The following KIF12 variants were observed in gnomAD, a reference collection of about 807,000 sequenced individuals.
KIF12 encodes the protein kinesin family member 12.
A neutral mutation model predicts 87.9 loss-of-function variants in KIF12; 80 were observed. The observed-to-expected ratio is 0.91, with a 90% CI of 0.76 to 1.10. KIF12 has a LOEUF of 1.10. KIF12 is among the 50% of genes least tolerant of loss of function. The probability of loss-of-function intolerance (pLI) is 0.00; values close to 1 mark genes in which losing one functional copy is unlikely to be tolerated. For synonymous variants in KIF12, 353 were observed against 348.5 expected (o/e 1.01, Z -0.14); for missense variants, 819 against 865.3 (o/e 0.95, Z 0.67).
At position 114,098,120 on chromosome 9, in the gene KIF12, G is replaced by T; in HGVS notation, c.370C>A (p.Pro124Thr). 1 of 1,547,674 alleles carries T rather than the reference G, an allele frequency of 6.5e-7. No individual in the cohort carries two copies. The highest frequency in any genetic ancestry group is 2.4e-5 in the East Asian group (1 of 40,820). Reference sequence around the variant, plus strand: ...CGCCGCCGGCGCTCGCTCACCTGGGGAGGGGGTCCAGTCAGGGTGTAGGTC... The same window carrying T: ...CGCCGCCGGCGCTCGCTCACCTGGGTAGGGGGTCCAGTCAGGGTGTAGGTC... ...GKTYTLTGPPPQGEGVPVPPS... is the reference protein window; with the variant it reads ...GKTYTLTGPPTQGEGVPVPPS... Residue 124 changes from proline (P) to threonine (T), a missense_variant, in exon 5 of 19, where the codon CCC becomes ACC. Coordinates refer to ENST00000640217, the MANE Select transcript of KIF12 (RefSeq NM_001388308.1).
At position 114,092,559 on chromosome 9, in the gene KIF12, G is replaced by C; in HGVS notation, c.1680C>G (p.Ala560=). The change falls in exon 17 of 19, where the codon GCC becomes GCG. Residue 560 remains alanine, a synonymous_variant. Coordinates refer to ENST00000640217, the MANE Select transcript of KIF12 (RefSeq NM_001388308.1). ...PWAPPCSPGS[A]KCPRERSHSD... ...AGACCCACCTCTCTCTTGGGCACTTGGCAGAGCCAGGGCTGCATGGGGGTG... is the reference window on the plus strand; with the variant it reads ...AGACCCACCTCTCTCTTGGGCACTTCGCAGAGCCAGGGCTGCATGGGGGTG... 1 of 1,611,144 alleles carries C rather than the reference G, an allele frequency of 6.2e-7. No homozygotes were observed. Among genetic ancestry groups the C allele is most frequent in the Admixed American group, 1.7e-5 (1 of 59,818 alleles).
chr9:114,097,328 C>G lies in KIF12; in HGVS notation c.619G>C (p.Glu207Gln). The change falls in exon 7 of 19, where the codon GAG becomes CAG. Residue 207 changes from glutamate (E) to glutamine (Q), a missense_variant. Glu to Gln is a conservative substitution (Grantham distance 29). Coordinates refer to ENST00000640217, the MANE Select transcript of KIF12 (RefSeq NM_001388308.1). ...GTTTGCAAAAGTTCCATCAGGGCCT[C>G]CAGACTCCCAAATTCCACCACCCGC... ...QLRVVEFGSL[E>Q]ALMELLQTGL... 1 of 1,609,962 alleles carries G rather than the reference C, an allele frequency of 6.2e-7. No individual in the cohort carries two copies. Among genetic ancestry groups the G allele is most frequent in the Non-Finnish European group, 8.5e-7 (1 of 1,179,062 alleles).
chr9:114,094,976 C>T (rs946239953), intron 11 of KIF12, 47 bp downstream of exon 11: 36 of 1,476,286 alleles, frequency 2.4e-5, no homozygotes, highest in Non-Finnish European at 3.3e-5. Context: ...GCCTGATCCC[C>T]CAGCATCTCC....
At chr9:114,095,996 T>G in intron 9 of KIF12, 55 bp downstream of exon 9, 4 of 1,551,504 alleles carry the variant, frequency 2.6e-6, no homozygotes, top group Non-Finnish European at 3.5e-6. Flanking sequence ...TGGAGAGCTG[T>G]GAGCCAGGCA....
In KIF12 at chr9:114,095,314, A is replaced by G; in HGVS notation, c.914T>C (p.Leu305Pro). The change falls in exon 10 of 19, where the codon CTG becomes CCG. Residue 305 changes from leucine to proline, a missense_variant. Transcript: ENST00000640217. Reference sequence around the variant, plus strand: ...GCTCTGCTTCCGCTGTGGGTCCAGCAGCAGGGAGATGCAGTGACCTGGGGA... The same window carrying G: ...GCTCTGCTTCCGCTGTGGGTCCAGCGGCAGGGAGATGCAGTGACCTGGGGA... Reference protein sequence around the residue: ...LLALGHCISLLLDPQRKQSHI... With the variant: ...LLALGHCISLPLDPQRKQSHI... 2 of 1,613,582 alleles carry G rather than the reference A, an allele frequency of 1.2e-6. No homozygotes were observed.
At position 114,093,893 on chromosome 9, in the gene KIF12, G is replaced by T; in HGVS notation, c.1393C>A (p.Leu465Ile). Residue 465 changes from leucine to isoleucine, a missense_variant, in exon 14 of 19, where the codon CTA (leucine) becomes ATA (isoleucine). By Grantham distance (5) the Leu-to-Ile change is conservative (BLOSUM62 2). Coordinates refer to ENST00000640217, the MANE Select transcript of KIF12 (RefSeq NM_001388308.1). ...GCTGGTGGCTCTGCTTACCTCTCTA[G>T]TGCATGGACCTGCTGGGCCAGGATG... ...QRILAQQVHA[L>I]ERRLLSACYH... The T allele has an allele frequency of 6.2e-7, 1 of 1,613,852 alleles. No individual in the cohort carries two copies. The highest frequency in any genetic ancestry group is 8.5e-7 in the Non-Finnish European group (1 of 1,179,786).
Position 114,094,216 on chromosome 9 carries a change from C to T in KIF12, c.1278G>A (p.Met426Ile). Residue 426 changes from methionine to isoleucine, a missense_variant, in exon 13 of 19, where the codon ATG (methionine) becomes ATA (isoleucine). Coordinates refer to ENST00000640217, the MANE Select transcript of KIF12 (RefSeq NM_001388308.1). ...VAWAQRNLYGMLQEFMLENER... is the reference protein window; with the variant it reads ...VAWAQRNLYGILQEFMLENER... ...CATTCTCTAGCATGAACTCCTGTAG[C>T]ATCCCGTACAGGTTCCGCTGGGCCC... The T allele has an allele frequency of 6.2e-7, 1 of 1,613,948 alleles. No homozygotes were observed. The highest frequency in any genetic ancestry group is 1.1e-5 in the South Asian group (1 of 91,080).
rs1449844591 is a variant in KIF12 at position 114,098,312 on chromosome 9, C to T, written c.289G>A (p.Ala97Thr). The T allele has an allele frequency of 4.1e-6, 6 of 1,466,596 alleles. No homozygotes were observed. The highest frequency in any genetic ancestry group is 4.5e-6 in the Non-Finnish European group (5 of 1,114,464). The allele number at this position is 1,466,596 out of a possible 1,614,324, so 90.8% of individuals were successfully genotyped here. A position where few individuals can be genotyped will look rare whatever the true frequency, so the allele number is the denominator to read the frequency against. Reference sequence around the variant, plus strand: ...CGAAGCTTCACTCACCCGCGCAGCGCCAGCTCCCCCAGGCGCCGCACGCCG... The same window carrying T: ...CGAAGCTTCACTCACCCGCGCAGCGTCAGCTCCCCCAGGCGCCGCACGCCG... The part of the protein sequence containing the change: ...ACGVRRLGEL[A>T]LRGFSCTVFT... Residue 97 changes from alanine to threonine, a missense_variant, in exon 4 of 19, where the codon GCG (alanine) becomes ACG (threonine). Coordinates refer to ENST00000640217, the MANE Select transcript of KIF12 (RefSeq NM_001388308.1).
rs780397157 is a variant in KIF12 at position 114,092,347 on chromosome 9, G to A, written c.1802C>T (p.Ser601Leu). The A allele has an allele frequency of 6.3e-6, 10 of 1,591,088 alleles. No individual in the cohort carries two copies. In the African/African-American group the frequency reaches 6.8e-5, roughly 11 times the overall value. The change falls in exon 18 of 19, where the codon TCA (serine) becomes TTA (leucine). Residue 601 changes from serine to leucine, a missense_variant. Coordinates refer to ENST00000640217, the MANE Select transcript of KIF12 (RefSeq NM_001388308.1). ...PPLPVRPPKTSPGLRGGAGVP... is the reference protein window; with the variant it reads ...PPLPVRPPKTLPGLRGGAGVP... ...CCCTTCTTCACCTCTGAGCCCTGGT[G>A]ATGTCTTCGGGGGCCTCACAGGCAG... is the stretch of plus-strand genomic sequence containing the variant.
Position 114,096,076 on chromosome 9 carries a change from G to A in KIF12, c.870C>T (p.Ser290=), listed in dbSNP as rs376903573. The A allele has an allele frequency of 1.4e-5, 23 of 1,613,254 alleles. No individual in the cohort carries two copies. The African/African-American group carries it at 2.8e-4, about 20-fold the overall frequency. ...SRGELMLEAN[S]INRSLLALGH... ...CCAGGGCCAGCAGGCTTCGGTTGAT[G>A]CTGTTAGCCTCAAGCATCAGCTCCC... The change falls in exon 9 of 19, where the codon AGC becomes AGT. Residue 290 remains serine, a synonymous_variant. Transcript: ENST00000640217.
At position 114,097,417 on chromosome 9, in the gene KIF12, A is replaced by G. The variant is rs771413915; in HGVS notation, c.530T>C (p.Leu177Pro). 1 of 1,595,476 alleles carries G rather than the reference A, an allele frequency of 6.3e-7. No individual in the cohort carries two copies. Among genetic ancestry groups the G allele is most frequent in the Non-Finnish European group, 8.5e-7 (1 of 1,173,418 alleles). ...AACAGGGAGGGGCCGGGGAGACCCC[A>G]GGCTCAGCAAGTCCCGAACCTGGGA... The part of the protein sequence containing the change: ...YNEQVRDLLS[L>P]GSPRPLPVRW... Residue 177 changes from leucine (L) to proline (P), a missense_variant, in exon 7 of 19, where the codon CTG (leucine) becomes CCG (proline). Physicochemically the swap from Leu to Pro is moderately conservative, Grantham distance 98. Transcript: ENST00000640217.
At chr9:114,095,193 T>G (rs1847170658) in intron 10 of KIF12, 21 bp downstream of exon 10, 1 of 1,612,660 alleles carries the variant, frequency 6.2e-7, no homozygotes, top group South Asian at 1.1e-5. Context: ...CAACCTTCCC[T>G]GCCAGGCCCC....
intron 11 of KIF12, 56 bp from the exon 12 acceptor site, chr9:114,094,511 C>G (rs1588502497): frequency 1.9e-6 from 2 of 1,034,662 alleles, no homozygotes; most frequent in Non-Finnish European, 2.9e-6. Flanking sequence ...GTGCACTGCA[C>G]AAGAACTTCC....
chr9:114,093,200 T>C, intron 16 of KIF12, 29 bp downstream of exon 16: 1 of 1,520,686 alleles, frequency 6.6e-7, no homozygotes, highest in Non-Finnish European at 8.9e-7. Context: ...CTCCCAGCCT[T>C]CCCTCACTCC....
At chr9:114,097,177 T>A in intron 7 of KIF12, 124 bp downstream of exon 7, 1 of 1,304,746 alleles carries the variant, frequency 7.7e-7, no homozygotes, top group South Asian at 1.5e-5. Flanking sequence ...TACTGGTCCT[T>A]CCCCACCTCC....
In KIF12 at chr9:114,097,638, C is replaced by A; in HGVS notation, c.479G>T (p.Arg160Leu). 6.2e-7 allele frequency: 1 copy of A among 1,612,532 alleles called. No homozygotes were observed. Among genetic ancestry groups the A allele is most frequent in the Non-Finnish European group, 8.5e-7 (1 of 1,179,400 alleles). Residue 160 changes from arginine (R) to leucine (L), a missense_variant, in exon 6 of 19, where the codon CGC becomes CTC. Transcript: ENST00000640217. ...ATTGTAGATCTCCAGATAAGAGGCG[C>A]GAAGGGTGACAGGGGCACCCAGGTG... is the stretch of plus-strand genomic sequence containing the variant. ...VQHLGAPVTL[R>L]ASYLEIYNEQ... is the part of the protein sequence containing the mutation.
At position 114,098,272 on chromosome 9, in the gene KIF12, G is replaced by A. The variant is rs911915032; in HGVS notation, c.299+30C>T. The A allele has an allele frequency of 4.7e-6, 7 of 1,500,708 alleles. No individual in the cohort carries two copies. The Admixed American group carries it at 1.2e-4, about 26-fold the overall frequency. 93.0% of individuals were successfully genotyped at this position (1,500,708 alleles called of 1,614,324 possible). On this transcript the variant is annotated intron_variant, in intron 4 of 18. Coordinates refer to ENST00000640217, the MANE Select transcript of KIF12 (RefSeq NM_001388308.1). ...GGTGCTTCGGGGCCCCGCCAGGCCCGGCGCGGAGCGGAGGCGAAGCTTCAC... is the reference window on the plus strand; with the variant it reads ...GGTGCTTCGGGGCCCCGCCAGGCCCAGCGCGGAGCGGAGGCGAAGCTTCAC...
rs773564347 is a variant in KIF12, at chr9:114,093,910, G to A, written c.1376C>T (p.Ala459Val). 5.4e-5 allele frequency: 87 copies of A among 1,613,936 alleles called. No homozygotes were observed. Among genetic ancestry groups the A allele is most frequent in the Non-Finnish European group, 7.2e-5 (85 of 1,179,986 alleles). ...CCTCTCTAGTGCATGGACCTGCTGG[G>A]CCAGGATGCGCTGCTCATTCTGGGC... is the stretch of plus-strand genomic sequence containing the variant. ...DLAQNEQRIL[A>V]QQVHALERRL... The change falls in exon 14 of 19, where the codon GCC (alanine) becomes GTC (valine). Residue 459 changes from alanine (A) to valine (V), a missense_variant. Ala to Val is a moderately conservative substitution (Grantham distance 64). Coordinates refer to ENST00000640217, the MANE Select transcript of KIF12 (RefSeq NM_001388308.1).
At position 114,095,273 on chromosome 9, in the gene KIF12, C is replaced by T. The variant is rs1244370357; in HGVS notation, c.955G>A (p.Asp319Asn). 3 of 1,613,756 alleles carry T rather than the reference C, an allele frequency of 1.9e-6. No individual in the cohort carries two copies. Among genetic ancestry groups the T allele is most frequent in the South Asian group, 2.2e-5 (2 of 91,088 alleles). The change falls in exon 10 of 19, where the codon GAC becomes AAC. Residue 319 changes from aspartate to asparagine, a missense_variant. Transcript: ENST00000640217. Reference sequence around the variant, plus strand: ...GCCAGCAACTTGGTGAGCTTGCTGTCCCGGAAAGGGATGTGGCTCTGCTTC... The same window carrying T: ...GCCAGCAACTTGGTGAGCTTGCTGTTCCGGAAAGGGATGTGGCTCTGCTTC... Reference protein sequence around the residue: ...QRKQSHIPFRDSKLTKLLADS... With the variant: ...QRKQSHIPFRNSKLTKLLADS...
Sources: allele counts gnomAD v4.1 joint callset, GRCh38; gene constraint gnomAD v4.1.1; transcripts MANE v1.5; gene names NCBI Gene and HGNC (gene_info 2026-07-23, HGNC 2026-07-21).